Variants in NEXMIF observed in about 807,000 individuals in gnomAD.
The protein encoded by NEXMIF is XLMR protein related to neurite extension.
In NEXMIF, 8 loss-of-function variants were observed where a neutral mutation model predicts 62.1. The observed-to-expected ratio is 0.13, with a 90% confidence interval of 0.08 to 0.23. NEXMIF has a LOEUF of 0.23. NEXMIF is among the 10% of genes least tolerant of loss of function. The probability of loss-of-function intolerance (pLI) is 1.00; values close to 1 mark genes in which losing one functional copy is unlikely to be tolerated. For missense variants in NEXMIF, 976 were observed against 1,113.3 expected (o/e 0.88, Z 1.75); for synonymous variants, 404 against 416.6 (o/e 0.97, Z 0.37).
chrX:74,857,250 A>AC (rs747888840), intron 1 of NEXMIF, among the ~76,000 whole-genome samples: 8 of 111,662 alleles, frequency 7.2e-5, no homozygotes, highest in Non-Finnish European at 1.3e-4. Flanking sequence ...TCCAAAAGAG[A>AC]CCCCTTCCTT....
intron 1 of NEXMIF, among the ~76,000 whole-genome samples, chrX:74,799,461 T>G (rs1394416627): frequency 9.0e-6 from 1 of 111,101 alleles, no homozygotes; most frequent in Non-Finnish European, 1.9e-5. Context: ...TAAAAAAAAG[T>G]TTCTCATTTT....
In NEXMIF at chrX:74,741,048, T is replaced by C; in HGVS notation, c.3509A>G (p.Asn1170Ser). ...NDPSGQISTN[N>S]KVSKSRKKSS... The stretch of plus-strand genomic sequence containing the variant: ...TTTCTTTCTTGATTTTGACACTTTG[T>C]TGTTGGTACTAATTTGACCAGATGG... The change falls in exon 3 of 4, where the codon AAC becomes AGC. Residue 1170 changes from asparagine (N) to serine (S), a missense_variant. Asn to Ser is a conservative substitution (Grantham distance 46, BLOSUM62 1). Around this residue, in one of 5 missense-constraint regions of NEXMIF, gnomAD observed 639 missense variants for 694.5 expected, o/e 0.92. Transcript: ENST00000055682. 1.7e-6 allele frequency: 2 copies of C among 1,211,673 alleles called. No homozygotes were observed. Among genetic ancestry groups the C allele is most frequent in the Non-Finnish European group, 2.2e-6 (2 of 895,324 alleles).
At chrX:74,746,309 C>T (rs948844834) in intron 1 of NEXMIF, among the ~76,000 whole-genome samples, 1 of 111,994 alleles carries the variant, frequency 8.9e-6, no homozygotes, top group Non-Finnish European at 1.9e-5. Context: ...TCCAAACTCA[C>T]AGCAAATTTT....
intron 1 of NEXMIF, among the ~76,000 whole-genome samples, chrX:74,898,280 T>C (rs1225085237): frequency 8.9e-6 from 1 of 112,118 alleles, no homozygotes; most frequent in Non-Finnish European, 1.9e-5. Flanking sequence ...ACTTTATTCC[T>C]GTGGTCTTCT....
chrX:74,765,122 A>T (rs907898691), intron 1 of NEXMIF, among the ~76,000 whole-genome samples: 1 of 111,891 alleles, frequency 8.9e-6, no homozygotes, highest in Non-Finnish European at 1.9e-5. Context: ...ATAGGTGCAT[A>T]TATATTTATA....
intron 1 of NEXMIF, among the ~76,000 whole-genome samples, chrX:74,920,952 ATTT>A (rs1486265720): frequency 9.0e-6 from 1 of 111,393 alleles, no homozygotes; most frequent in Non-Finnish European, 1.9e-5. Context: ...GAAGCTGAAA[ATTT>A]TTTTAATGGG....
chrX:74,892,332 AG>A (rs2080720453), intron 1 of NEXMIF, among the ~76,000 whole-genome samples: 2 of 112,455 alleles, frequency 1.8e-5, no homozygotes, highest in African/African-American at 6.4e-5. Context: ...AAGACTTTAC[AG>A]GGCTCTGGGG....
At chrX:74,902,835 CA>C (rs2080753308) in intron 1 of NEXMIF, among the ~76,000 whole-genome samples, 1 of 111,844 alleles carries the variant, frequency 8.9e-6, no homozygotes, top group Non-Finnish European at 1.9e-5. Flanking sequence ...AGCATGCAGG[CA>C]AGTTCTCTGG....
chrX:74,818,990 A>G (rs753530554), intron 1 of NEXMIF, among the ~76,000 whole-genome samples: 9 of 112,071 alleles, frequency 8.0e-5, no homozygotes, highest in Non-Finnish European at 1.5e-4. Flanking sequence ...ACAGATATAT[A>G]GACCAACGGA....
In NEXMIF at chrX:74,840,696, A is replaced by G. The variant is rs765681662; in HGVS notation, c.-48+84187T>C. Among the ~76,000 whole-genome samples the G allele has an allele frequency of 1.2e-4, 13 of 112,124 alleles. 1 individual carries two copies. The highest frequency in any genetic ancestry group is 1.1e-3 in the Admixed American group (12 of 10,573). ...AAGGTGTCCAGTTTCAATCTTCTGT[A>G]TATGGCTAGCCAGTTATCTCGTCAC... On this transcript the variant is annotated intron_variant, in intron 1 of 3. Coordinates refer to ENST00000055682, the MANE Select transcript of NEXMIF (RefSeq NM_001008537.3).
intron 1 of NEXMIF, among the ~76,000 whole-genome samples, chrX:74,838,706 C>T (rs1383663249): frequency 8.9e-6 from 1 of 111,844 alleles, no homozygotes; most frequent in Non-Finnish European, 1.9e-5. Context: ...CTGCTTTAAC[C>T]ACTCAGTCTT....
intron 1 of NEXMIF, among the ~76,000 whole-genome samples, chrX:74,924,435 T>C (rs943525152): frequency 8.8e-6 from 1 of 113,234 alleles, no homozygotes; most frequent in Non-Finnish European, 1.9e-5. Context: ...TTTGCGGCTT[T>C]GGTCCGAGCG....
chrX:74,830,948 T>C (rs941766959), intron 1 of NEXMIF, among the ~76,000 whole-genome samples: 2 of 109,966 alleles, frequency 1.8e-5, no homozygotes, highest in African/African-American at 6.5e-5. Context: ...TAATAGTTTT[T>C]TGGTGGCATC....
intron 1 of NEXMIF, among the ~76,000 whole-genome samples, chrX:74,876,418 G>T (rs949524761): frequency 4.9e-4 from 55 of 111,398 alleles, no homozygotes; most frequent in Non-Finnish European, 8.7e-4. Context: ...CAAGTATATG[G>T]TCAATTTTGG....
At chrX:74,814,125 C>T (rs758603008) in intron 1 of NEXMIF, among the ~76,000 whole-genome samples, 2 of 111,544 alleles carry the variant, frequency 1.8e-5, no homozygotes, top group Admixed American at 9.6e-5. Flanking sequence ...AGGATATTGA[C>T]ATGATATTGT....
chrX:74,830,570 A>T (rs1023307835), intron 1 of NEXMIF, among the ~76,000 whole-genome samples: 2 of 110,851 alleles, frequency 1.8e-5, no homozygotes, highest in African/African-American at 6.5e-5. Flanking sequence ...TTTAGGTTTT[A>T]AAAAAAAATT....
At chrX:74,892,753 G>A (rs1043708269) in intron 1 of NEXMIF, among the ~76,000 whole-genome samples, 25 of 112,018 alleles carry the variant, frequency 2.2e-4, no homozygotes, top group African/African-American at 7.8e-4. Context: ...GCATTAATAC[G>A]CCATCTGCCT....
chrX:74,851,166 A>G (rs1212709686), intron 1 of NEXMIF, among the ~76,000 whole-genome samples: 13 of 111,072 alleles, frequency 1.2e-4, no homozygotes, highest in Non-Finnish European at 2.5e-4. Flanking sequence ...TCACCCAGTC[A>G]GTCAAATTTT....
chrX:74,807,455 C>T (rs2147473192), intron 1 of NEXMIF, among the ~76,000 whole-genome samples: 1 of 110,628 alleles, frequency 9.0e-6, no homozygotes, highest in African/African-American at 3.3e-5. Flanking sequence ...TAGGCATATG[C>T]TACAGTGCTC....
Sources: gnomAD v4.1 joint callset for allele counts (sites outside exome capture counted in the v4.1 genomes callset) on GRCh38, gnomAD v4.1.1 for gene constraint, gnomAD v4.1.1 regional missense constraint, MANE v1.5 for transcripts, NCBI Gene and HGNC (gene_info 2026-07-23, HGNC 2026-07-21) for gene names.